POM121C: variants seen among roughly 807,000 people sequenced by gnomAD.
POM121C encodes the protein nuclear envelope pore membrane protein POM 121C.
In POM121C, 20 loss-of-function variants were observed where a neutral mutation model predicts 66.4. That is an observed-to-expected ratio of 0.30 (90% CI 0.21 to 0.44). The LOEUF is 0.44. Among genes scored for constraint, POM121C ranks in the 20% least tolerant of loss-of-function variants. POM121C has a pLI of 1.00. For missense variants in POM121C, 580 were observed against 1,225.7 expected (o/e 0.47, Z 7.87); for synonymous variants, 286 against 528.0 (o/e 0.54, Z 6.28).
intron 1 of POM121C, among the ~76,000 whole-genome samples, chr7:75,479,249 T>C (rs1792211192): frequency 6.6e-6 from 1 of 152,212 alleles, no homozygotes; most frequent in South Asian, 2.1e-4. Context: ...AATAAAAATT[T>C]AGATTTACAC....
At chr7:75,458,055 T>C (rs1273079383) in intron 3 of POM121C, among the ~76,000 whole-genome samples, 16 of 152,288 alleles carry the variant, frequency 1.1e-4, no homozygotes, top group Non-Finnish European at 2.4e-4. Flanking sequence ...TGTGTTTATG[T>C]AAAATTAAAT....
chr7:75,465,252 C>A (rs1791585659), intron 3 of POM121C, among the ~76,000 whole-genome samples: 1 of 151,854 alleles, frequency 6.6e-6, no homozygotes, highest in Non-Finnish European at 1.5e-5. Flanking sequence ...GCCTTGGCCT[C>A]CCAAAGTGCT....
Position 75,468,728 on chromosome 7 carries a change from T to A in POM121C, c.-152+5976A>T, listed in dbSNP as rs1185113492. On this transcript the variant is annotated intron_variant, in intron 3 of 14. Coordinates refer to ENST00000615331, the MANE Select transcript of POM121C (RefSeq NM_001099415.3). ...GGATATCTAACTAACACCTCAAACT[T>A]AACATGTGCAAAGCCAGGTGCAGTG... 2.0e-5 allele frequency among the ~76,000 whole-genome samples: 3 copies of A among 152,154 alleles called. No individual in the cohort carries two copies. In the East Asian group the frequency reaches 5.8e-4, roughly 29 times the overall value.
rs782508236 is a variant in POM121C at position 75,423,206 on chromosome 7, GGAA to G, written c.1049-6_1049-4del. On this transcript the variant is annotated splice_polypyrimidine_tract_variant and splice_region_variant and intron_variant, in intron 12 of 14. Coordinates refer to ENST00000615331, the MANE Select transcript of POM121C (RefSeq NM_001099415.3). ...AGTGGTTGCTGCTCCAGCAGATTCT[GGAA>G]GAAGAATAGAAAATGTGAAATTGGA... 28 of 1,476,302 alleles carry G rather than the reference GGAA, an allele frequency of 1.9e-5. No individual in the cohort carries two copies. The highest frequency in any genetic ancestry group is 5.7e-5 in the African/African-American group (4 of 70,390). The allele number at this position is 1,476,302 out of a possible 1,614,324, so 91.5% of individuals were successfully genotyped here.
chr7:75,476,399 A>G (rs1456332583), intron 1 of POM121C, among the ~76,000 whole-genome samples: 2 of 152,214 alleles, frequency 1.3e-5, no homozygotes, highest in Non-Finnish European at 2.9e-5. Flanking sequence ...GCCCTGCCCA[A>G]ACTTGCAGTT....
chr7:75,443,337 G>A (rs1790732087), intron 3 of POM121C, among the ~76,000 whole-genome samples: 1 of 151,330 alleles, frequency 6.6e-6, no homozygotes, highest in African/African-American at 2.4e-5. Context: ...ATGGGTATAG[G>A]CTTTCTCGTA....
chr7:75,452,609 G>C (rs1431872089), intron 3 of POM121C, among the ~76,000 whole-genome samples: 2 of 152,102 alleles, frequency 1.3e-5, no homozygotes, highest in African/African-American at 4.8e-5. Context: ...CGAGATCCAG[G>C]TTGCTGCTGC....
At chr7:75,438,344 A>G (rs1790495563) in intron 6 of POM121C, among the ~76,000 whole-genome samples, 1 of 152,196 alleles carries the variant, frequency 6.6e-6, no homozygotes, top group Non-Finnish European at 1.5e-5. Context: ...AAACAGAGCA[A>G]GTTATTTCGC....
chr7:75,428,468 C>T lies in POM121C; in HGVS notation c.481-2015G>A, dbSNP rs111488456. On this transcript the variant is annotated intron_variant, in intron 7 of 14. Transcript: ENST00000615331. The stretch of plus-strand genomic sequence containing the variant: ...TGGAACTTTAAAAGCACATAGATGG[C>T]CAAGTGCAGTGGCTCATGCCTGTAA... Among the ~76,000 whole-genome samples the T allele has an allele frequency of 7.4e-3, 1,122 of 152,296 alleles. 11 individuals carry two copies. The highest frequency in any genetic ancestry group is 0.025 in the African/African-American group (1,057 of 41,552).
At chr7:75,431,603 C>CAAAAA (rs71098029) in intron 7 of POM121C, among the ~76,000 whole-genome samples, 3 of 50,756 alleles carry the variant, frequency 5.9e-5, no homozygotes, top group Non-Finnish European at 9.8e-5. Flanking sequence ...AACTCCGTCT[C>CAAAAA]AAAAAAAAAA....
At chr7:75,449,996 G>C (rs1233040515) in intron 3 of POM121C, among the ~76,000 whole-genome samples, 1 of 152,032 alleles carries the variant, frequency 6.6e-6, no homozygotes, top group Non-Finnish European at 1.5e-5. Flanking sequence ...CCTGGAGACA[G>C]AGCATGACTC....
chr7:75,484,184 G>A, intron 1 of POM121C: 1 of 1,608,466 alleles, frequency 6.2e-7, no homozygotes, highest in Non-Finnish European at 8.5e-7. Flanking sequence ...ATATACACAA[G>A]CAGGAAAACT....
At chr7:75,481,030 A>AATATATATATATATATATATAAAT (rs201637708) in intron 1 of POM121C, among the ~76,000 whole-genome samples, 1 of 137,026 alleles carries the variant, frequency 7.3e-6, no homozygotes, top group African/African-American at 2.6e-5. Context: ...TAGTTCAAAA[A>AATATATATATATATATATATAAAT]ATATATATAT....
intron 7 of POM121C, among the ~76,000 whole-genome samples, chr7:75,432,517 G>A (rs1790222452): frequency 6.6e-6 from 1 of 152,156 alleles, no homozygotes; most frequent in Non-Finnish European, 1.5e-5. Flanking sequence ...ACTATAAAAG[G>A]TGCTAATAAG....
At chr7:75,440,023 G>A (rs55923716) in intron 5 of POM121C, among the ~76,000 whole-genome samples, 23,911 of 150,962 alleles carry the variant, frequency 0.16, 2,379 homozygotes, top group African/African-American at 0.28. Flanking sequence ...TGGGACTACA[G>A]GCACCCACCA....
Position 75,442,512 on chromosome 7 carries a change from T to G in POM121C, c.-151-865A>C, listed in dbSNP as rs1296399956. 5.6e-6 allele frequency: 8 copies of G among 1,430,588 alleles called. No individual in the cohort carries two copies. In the Admixed American group the frequency reaches 1.4e-4, roughly 25 times the overall value. The allele number at this position is 1,430,588 out of a possible 1,614,324, so 88.6% of individuals were successfully genotyped here. ...GGGCGCGAACCTCGGGGCTCGCGGC[T>G]CAGTCCCCACCAGGCCGCGGTAGTC... On this transcript the variant is annotated intron_variant, in intron 3 of 14. Coordinates refer to ENST00000615331, the MANE Select transcript of POM121C (RefSeq NM_001099415.3).
intron 1 of POM121C, among the ~76,000 whole-genome samples, chr7:75,484,662 C>CAAAAAA (rs10690558): frequency 0.029 from 1,430 of 48,608 alleles, 54 homozygotes; most frequent in Non-Finnish European, 0.038. Context: ...GACACTGTCT[C>CAAAAAA]AAAAAAAAAA....
intron 6 of POM121C, 78 bp downstream of exon 6, chr7:75,439,066 G>A: frequency 4.0e-6 from 6 of 1,512,288 alleles, no homozygotes; most frequent in Non-Finnish European, 5.5e-6. Context: ...AAACAAAGAG[G>A]AAAATCTATA....
intron 3 of POM121C, among the ~76,000 whole-genome samples, chr7:75,446,649 T>G (rs1554474703): frequency 6.6e-6 from 1 of 151,988 alleles, no homozygotes; most frequent in African/African-American, 2.4e-5. Flanking sequence ...AAACAAGACC[T>G]GAAAGGATCC....
Sources: gnomAD v4.1 joint callset for allele counts (sites outside exome capture counted in the v4.1 genomes callset) on GRCh38, gnomAD v4.1.1 for gene constraint, MANE v1.5 for transcripts, NCBI Gene and HGNC (gene_info 2026-07-23, HGNC 2026-07-21) for gene names.